The following MELK variants were observed in gnomAD, a reference collection of about 807,000 sequenced individuals.
MELK encodes the protein pEg3 kinase.
Under a neutral mutation model 85.0 loss-of-function variants are expected in MELK, and 81 were observed. The ratio of observed to expected loss-of-function variants is 0.95; its 90% CI spans 0.80 to 1.15. MELK has a LOEUF of 1.15. Ranked by LOEUF, MELK falls within the 50% of genes most tolerant of loss-of-function variation. The pLI is 0.00. For missense variants in MELK, 754 were observed against 777.5 expected, an observed-to-expected ratio of 0.97 and a Z score of 0.36; for synonymous variants, 252 against 265.0, an observed-to-expected ratio of 0.95 and a Z score of 0.48.
chr9:36,671,914 C>G (rs1296344428), intron 16 of MELK, among the ~76,000 whole-genome samples: 1 of 152,116 alleles, frequency 6.6e-6, no homozygotes, highest in East Asian at 1.9e-4. Context: ...GCTGTGAAAA[C>G]AGGCTGGGAT....
At chr9:36,576,924 A>G (rs1245726899) in intron 1 of MELK, among the ~76,000 whole-genome samples, 1 of 152,198 alleles carries the variant, frequency 6.6e-6, no homozygotes, top group Non-Finnish European at 1.5e-5. Context: ...GATATTTTTA[A>G]AATGTCCTTT....
Position 36,657,362 on chromosome 9 carries a change from AG to A in MELK, c.1176+1del, listed in dbSNP as rs761715123. ...STGAATPRTS[Q>X]FTKYWTESNG... ...GGTGCTGCTACTCCCCGAACATCAC[AG>A]GTTCGTCATTCTTATTACTATTTAA... On this transcript the variant is annotated frameshift_variant and splice_region_variant, in exon 13 of 18. Coordinates refer to ENST00000298048, the MANE Select transcript of MELK (RefSeq NM_014791.4). LOFTEE classifies it high-confidence loss of function. The A allele has an allele frequency of 1.9e-6, 3 of 1,603,246 alleles. No individual in the cohort carries two copies. The highest frequency in any genetic ancestry group is 4.5e-5 in the East Asian group (2 of 44,744).
intron 3 of MELK, among the ~76,000 whole-genome samples, chr9:36,587,060 A>G (rs1470959180): frequency 6.6e-6 from 1 of 152,004 alleles, no homozygotes; most frequent in Admixed American, 6.6e-5. Context: ...CGTGTTAGCC[A>G]GGATGGTCTC....
chr9:36,622,235 T>C (rs1827515640), intron 8 of MELK, among the ~76,000 whole-genome samples: 1 of 152,234 alleles, frequency 6.6e-6, no homozygotes, highest in South Asian at 2.1e-4. Context: ...AAATTTATTG[T>C]AATCTTGGCT....
intron 14 of MELK, 23 bp from the exon 15 acceptor site, chr9:36,669,287 T>C: frequency 3.3e-6 from 5 of 1,497,752 alleles, no homozygotes; most frequent in Non-Finnish European, 4.6e-6. Flanking sequence ...GCATATGGAT[T>C]GTGTTTGTTC....
intron 16 of MELK, 43 bp from the exon 17 acceptor site, chr9:36,674,791 G>T (rs746916685): frequency 1.7e-6 from 2 of 1,154,846 alleles, no homozygotes; most frequent in South Asian, 1.3e-5. Context: ...TCTTTGTGTT[G>T]ATGTAAAAAT....
chr9:36,658,363 A>G lies in MELK; in HGVS notation c.1176+1000A>G, dbSNP rs73645813. Among the ~76,000 whole-genome samples, 670 of 152,116 alleles carry G rather than the reference A, an allele frequency of 4.4e-3. 2 individuals are homozygous for G. The highest frequency in any genetic ancestry group is 0.015 in the African/African-American group (643 of 41,510). Reference sequence around the variant, plus strand: ...TCATTCTGTTTCTCAGACTAATTTCAGTTAACCTGTTTCAAAGTTTCAGAT... The same window carrying G: ...TCATTCTGTTTCTCAGACTAATTTCGGTTAACCTGTTTCAAAGTTTCAGAT... On this transcript the variant is annotated intron_variant, in intron 13 of 17. Coordinates refer to ENST00000298048, the MANE Select transcript of MELK (RefSeq NM_014791.4).
intron 8 of MELK, among the ~76,000 whole-genome samples, chr9:36,616,173 G>T (rs1826761567): frequency 6.6e-6 from 1 of 152,136 alleles, no homozygotes; most frequent in Non-Finnish European, 1.5e-5. Context: ...TTGACCCTTT[G>T]TATATACAGT....
chr9:36,648,899 C>A (rs970223465), intron 11 of MELK, among the ~76,000 whole-genome samples: 3 of 151,874 alleles, frequency 2.0e-5, no homozygotes, highest in African/African-American at 7.3e-5. Flanking sequence ...AGGAAAACTT[C>A]TAACATGAAA....
intron 7 of MELK, among the ~76,000 whole-genome samples, chr9:36,607,301 A>G (rs1824416440): frequency 6.6e-6 from 1 of 152,082 alleles, no homozygotes; most frequent in African/African-American, 2.4e-5. Flanking sequence ...ACTGGAAATT[A>G]TTTTCTGTTA....
chr9:36,593,801 C>G (rs775904273), intron 4 of MELK, among the ~76,000 whole-genome samples: 3 of 152,138 alleles, frequency 2.0e-5, no homozygotes, highest in Non-Finnish European at 4.4e-5. Flanking sequence ...AAGCGATTCT[C>G]CTGCCTCAGT....
intron 5 of MELK, among the ~76,000 whole-genome samples, chr9:36,595,897 C>G (rs1824169466): frequency 6.6e-6 from 1 of 151,966 alleles, no homozygotes; most frequent in Non-Finnish European, 1.5e-5. Context: ...CTCACTGCAA[C>G]CTCTGCCTCT....
chr9:36,578,243 G>GTT (rs111828743), intron 1 of MELK, among the ~76,000 whole-genome samples: 142 of 148,328 alleles, frequency 9.6e-4, no homozygotes, highest in Middle Eastern at 3.4e-3. Context: ...GATCCAATGT[G>GTT]TTTTTTTTTT....
chr9:36,624,174 T>C (rs1234749553), intron 8 of MELK, among the ~76,000 whole-genome samples: 2 of 151,510 alleles, frequency 1.3e-5, no homozygotes, highest in East Asian at 3.9e-4. Flanking sequence ...ACCTCCACCT[T>C]CCGGGTTCAA....
Position 36,582,306 on chromosome 9 carries a change from T to C in MELK, c.58+567T>C, listed in dbSNP as rs763382092. On this transcript the variant is annotated intron_variant, in intron 2 of 17. Transcript: ENST00000298048. The stretch of plus-strand genomic sequence containing the variant: ...TGACTTTTATTCTAAATTAAAGTCA[T>C]TGGAGAGTTTTGAGTTAAGGGGTAA... Among the ~76,000 whole-genome samples, 11 of 152,290 alleles carry C rather than the reference T, an allele frequency of 7.2e-5. No homozygotes were observed. The East Asian group carries it at 1.2e-3, about 16-fold the overall frequency.
intron 11 of MELK, among the ~76,000 whole-genome samples, chr9:36,647,138 C>T (rs1830280469): frequency 6.6e-6 from 1 of 151,978 alleles, no homozygotes; most frequent in African/African-American, 2.4e-5. Context: ...CTTTTTTTGC[C>T]TAGGGAAAAG....
At chr9:36,591,310 C>T (rs934928234) in intron 4 of MELK, among the ~76,000 whole-genome samples, 5 of 151,942 alleles carry the variant, frequency 3.3e-5, no homozygotes, top group Non-Finnish European at 7.4e-5. Flanking sequence ...CAGGGGGTCA[C>T]GCTTGTAACT....
intron 13 of MELK, among the ~76,000 whole-genome samples, chr9:36,663,183 C>T (rs1301909008): frequency 2.0e-5 from 3 of 151,650 alleles, no homozygotes; most frequent in Non-Finnish European, 2.9e-5. Context: ...CAGGTTCAAG[C>T]GATTTTCCTA....
At chr9:36,590,232 T>G (rs193189376) in intron 4 of MELK, among the ~76,000 whole-genome samples, 66 of 152,274 alleles carry the variant, frequency 4.3e-4, no homozygotes, top group African/African-American at 1.6e-3. Context: ...ATTCTAGTTT[T>G]ATATGGTATA....
Sources: gnomAD v4.1 joint callset for allele counts (sites outside exome capture counted in the v4.1 genomes callset) on GRCh38, gnomAD v4.1.1 for gene constraint, MANE v1.5 for transcripts, NCBI Gene and HGNC (gene_info 2026-07-23, HGNC 2026-07-21) for gene names.